Variants in SHC3 observed in about 807,000 individuals in gnomAD.
SHC3 encodes the protein SHC-transforming protein 3.
A neutral mutation model predicts 60.4 loss-of-function variants in SHC3; 15 were observed. The observed-to-expected ratio is 0.25, with a 90% CI of 0.17 to 0.38. The LOEUF is 0.38. Ranked by LOEUF, SHC3 falls within the 10% of genes least tolerant of loss-of-function variation. The pLI, the probability that SHC3 is intolerant of heterozygous loss-of-function variation, is 1.00. For synonymous variants in SHC3, 294 were observed against 325.9 expected, an observed-to-expected ratio of 0.90 and a Z score of 1.05; for missense variants, 677 against 786.1, an observed-to-expected ratio of 0.86 and a Z score of 1.66.
At position 89,077,830 on chromosome 9, in the gene SHC3, A is replaced by G; in HGVS notation, c.609+10T>C. The G allele has an allele frequency of 6.2e-7, 1 of 1,614,210 alleles. No homozygotes were observed. The highest frequency in any genetic ancestry group is 8.5e-7 in the Non-Finnish European group (1 of 1,180,016). On this transcript the variant is annotated intron_variant, in intron 3 of 11. Coordinates refer to ENST00000375835, the MANE Select transcript of SHC3 (RefSeq NM_016848.6). ...AGACACAGTTAGACACAGAGCATTG[A>G]GGACAGTACCTTTCTCTTCTTGAAG...
intron 2 of SHC3, among the ~76,000 whole-genome samples, chr9:89,105,242 C>G (rs540321553): frequency 6.6e-6 from 1 of 152,282 alleles, no homozygotes; most frequent in African/African-American, 2.4e-5. Flanking sequence ...CTTACTCAAG[C>G]AGCAGTATAA....
chr9:89,143,576 G>C (rs554136305), intron 1 of SHC3, among the ~76,000 whole-genome samples: 3 of 152,108 alleles, frequency 2.0e-5, no homozygotes, highest in African/African-American at 7.2e-5. Context: ...GTTGGGAAAC[G>C]CATCATTGTA....
chr9:89,038,005 G>A lies in SHC3; in HGVS notation c.1644C>T (p.Asp548=), dbSNP rs1824611347. Residue 548 remains aspartate (D), a synonymous_variant, in exon 11 of 12, where the codon GAC becomes GAT. Transcript: ENST00000375835. ...NGQAKHLLLV[D]PEGTIRTKDR... ...ACTGGGTGCTCACCGTGCCTTCTGG[G>A]TCCACGAGCAGCAGGTGCTTGGCCT... The A allele has an allele frequency of 1.2e-6, 2 of 1,608,878 alleles. No individual in the cohort carries two copies. Among genetic ancestry groups the A allele is most frequent in the Non-Finnish European group, 1.7e-6 (2 of 1,179,952 alleles).
intron 11 of SHC3, among the ~76,000 whole-genome samples, chr9:89,021,854 C>T (rs1451167427): frequency 2.0e-5 from 3 of 152,156 alleles, no homozygotes; most frequent in African/African-American, 7.2e-5. Context: ...GGATATATGA[C>T]TTGGGAATAA....
intron 1 of SHC3, among the ~76,000 whole-genome samples, chr9:89,176,170 A>AC (rs1826940165): frequency 6.6e-6 from 1 of 152,194 alleles, no homozygotes; most frequent in African/African-American, 2.4e-5. Context: ...ACACAAAGTA[A>AC]CCCCAAGACA....
At position 89,155,564 on chromosome 9, in the gene SHC3, T is replaced by C. The variant is rs1001940811; in HGVS notation, c.474+22423A>G. 8.5e-5 allele frequency among the ~76,000 whole-genome samples: 13 copies of C among 152,140 alleles called. No homozygotes were observed. The South Asian group carries it at 2.5e-3, about 29-fold the overall frequency. On this transcript the variant is annotated intron_variant, in intron 1 of 11. Transcript: ENST00000375835. ...AAGGTCCTGCTACCACCAGCCAATA[T>C]GCTAGACTTGTTCTGGAGTGCCACT...
At chr9:89,095,760 C>A (rs1176079727) in intron 2 of SHC3, among the ~76,000 whole-genome samples, 1 of 152,152 alleles carries the variant, frequency 6.6e-6, no homozygotes, top group African/African-American at 2.4e-5. Context: ...CAGGGACAGA[C>A]AAACTGACTT....
chr9:89,158,364 T>C (rs1042612589), intron 1 of SHC3, among the ~76,000 whole-genome samples: 1 of 152,194 alleles, frequency 6.6e-6, no homozygotes, highest in Admixed American at 6.5e-5. Flanking sequence ...TTGAATTTCA[T>C]TGTGATCAGA....
chr9:89,053,311 AGTT>A (rs1421313300), intron 6 of SHC3, among the ~76,000 whole-genome samples: 20 of 152,278 alleles, frequency 1.3e-4, no homozygotes, highest in African/African-American at 4.6e-4. Context: ...TTTCTTCATG[AGTT>A]GTTGTTCCCC....
At chr9:89,162,320 T>C (rs1297781945) in intron 1 of SHC3, among the ~76,000 whole-genome samples, 1 of 151,966 alleles carries the variant, frequency 6.6e-6, no homozygotes, top group Non-Finnish European at 1.5e-5. Flanking sequence ...GCTGGAGGCA[T>C]CACACTACCT....
chr9:89,137,666 G>A (rs1826337828), intron 1 of SHC3, among the ~76,000 whole-genome samples: 1 of 152,118 alleles, frequency 6.6e-6, no homozygotes. Flanking sequence ...AACGTCTAGG[G>A]GTGGAGACAG....
At chr9:89,056,450 G>T (rs1468038529) in intron 6 of SHC3, among the ~76,000 whole-genome samples, 1 of 152,268 alleles carries the variant, frequency 6.6e-6, no homozygotes, top group African/African-American at 2.4e-5. Context: ...TGTTGACCAA[G>T]CTGGTCTCGA....
intron 1 of SHC3, among the ~76,000 whole-genome samples, chr9:89,133,113 C>T (rs1366215862): frequency 2.0e-5 from 3 of 152,200 alleles, no homozygotes; most frequent in Admixed American, 6.5e-5. Context: ...CATGAACAGA[C>T]ACTTCTCAGA....
intron 7 of SHC3, among the ~76,000 whole-genome samples, chr9:89,049,833 T>C (rs1824834226): frequency 6.6e-6 from 1 of 152,256 alleles, no homozygotes; most frequent in African/African-American, 2.4e-5. Context: ...ATCCAGCTAT[T>C]TCTGAACCTC....
intron 1 of SHC3, among the ~76,000 whole-genome samples, chr9:89,122,566 TA>T (rs1414990407): frequency 7.2e-5 from 11 of 152,236 alleles, no homozygotes; most frequent in African/African-American, 2.7e-4. Flanking sequence ...TTGGGGATTT[TA>T]GACCAAATGC....
At chr9:89,086,403 A>C (rs2118040372) in intron 2 of SHC3, among the ~76,000 whole-genome samples, 1 of 152,364 alleles carries the variant, frequency 6.6e-6, no homozygotes. Flanking sequence ...TCAGGGAAAC[A>C]CATTTACTGG....
chr9:89,064,605 C>T (rs1825146148), intron 6 of SHC3, among the ~76,000 whole-genome samples: 2 of 152,060 alleles, frequency 1.3e-5, no homozygotes, highest in Non-Finnish European at 2.9e-5. Flanking sequence ...CTCTCTGAGG[C>T]CTGAGCATTG....
rs1826083911 is a variant in SHC3 at position 89,015,809 on chromosome 9, G to A, written c.1657-2234C>T. On this transcript the variant is annotated intron_variant, in intron 11 of 11. Transcript: ENST00000375835. ...GAATGTTAACCCCAGACAACTGGTT[G>A]AGGCTGTGCATCGTAAAGAGGAAAT... 3.3e-5 allele frequency among the ~76,000 whole-genome samples: 5 copies of A among 152,362 alleles called. No homozygotes were observed. The South Asian group carries it at 8.3e-4, about 25-fold the overall frequency.
At position 89,008,711 on chromosome 9, in the gene SHC3, G is replaced by C. The variant is rs1301960902; in HGVS notation, c.*4736C>G. ...CAGAAACAGCCTTTCATAAGTGATA[G>C]ACTTGGTGAATAAATACCCCAGCTG... On this transcript the variant is annotated 3_prime_UTR_variant, in exon 12 of 12. Coordinates refer to ENST00000375835, the MANE Select transcript of SHC3 (RefSeq NM_016848.6). 6.6e-6 allele frequency: 1 copy of C among 152,192 alleles called. No individual in the cohort carries two copies. The highest frequency in any genetic ancestry group is 2.4e-5 in the African/African-American group (1 of 41,438). The allele number at this position is 152,192 out of a possible 1,614,324, so 9.4% of individuals were successfully genotyped here. A position where few individuals can be genotyped will look rare whatever the true frequency, so the allele number is the denominator to read the frequency against.
Sources: gnomAD v4.1 joint callset for allele counts (sites outside exome capture counted in the v4.1 genomes callset) on GRCh38, gnomAD v4.1.1 for gene constraint, MANE v1.5 for transcripts, NCBI Gene and HGNC (gene_info 2026-07-23, HGNC 2026-07-21) for gene names.